Variants in SUN5 observed in about 807,000 individuals in gnomAD.
SUN5 encodes SUN domain-containing protein 5.
SUN5 carries 44 observed loss-of-function variants against 53.7 expected under a neutral mutation model. The observed-to-expected ratio is 0.82, with a 90% CI of 0.64 to 1.05. The LOEUF is 1.05. Among genes scored for constraint, SUN5 ranks in the 50% least tolerant of loss-of-function variants. The pLI is 0.00. For missense variants in SUN5, 433 were observed against 483.8 expected (o/e 0.90, Z 0.98); for synonymous variants, 166 against 179.8 (o/e 0.92, Z 0.62).
At chr20:32,991,228 T>C (rs1483235797) in intron 8 of SUN5, among the ~76,000 whole-genome samples, 1 of 152,232 alleles carries the variant, frequency 6.6e-6, no homozygotes, top group African/African-American at 2.4e-5. Flanking sequence ...GGACGAGCTC[T>C]AGTTGATCCC....
At chr20:32,999,586 G>C (rs898626361) in intron 5 of SUN5, among the ~76,000 whole-genome samples, 16 of 152,162 alleles carry the variant, frequency 1.1e-4, no homozygotes, top group Admixed American at 2.6e-4. Context: ...GTGAGACTCT[G>C]TCTCAACAAC....
intron 5 of SUN5, 63 bp from the exon 6 acceptor site, chr20:32,997,750 G>A: frequency 6.3e-7 from 1 of 1,586,594 alleles, no homozygotes; most frequent in Non-Finnish European, 8.6e-7. Flanking sequence ...CTAGGTGCTG[G>A]AGTTAGGACA....
intron 1 of SUN5, 74 bp from the exon 2 acceptor site, chr20:33,002,993 G>A (rs748447226): frequency 3.4e-5 from 52 of 1,520,218 alleles, no homozygotes; most frequent in South Asian, 8.3e-5. Context: ...TGCATACCAC[G>A]TTCCAGATTG....
chr20:32,985,668 G>A (rs1989516790), intron 11 of SUN5, 68 bp downstream of exon 11: 1 of 1,561,898 alleles, frequency 6.4e-7, no homozygotes, highest in Middle Eastern at 1.8e-4. Flanking sequence ...TTTACCCCAG[G>A]CCTGGAATAT....
intron 1 of SUN5, among the ~76,000 whole-genome samples, chr20:33,004,028 C>G (rs1209847592): frequency 1.3e-5 from 2 of 152,212 alleles, no homozygotes; most frequent in Non-Finnish European, 2.9e-5. Flanking sequence ...GTTCCCCGTC[C>G]TCTGTGCATT....
chr20:32,999,732 G>C (rs1276840192), intron 5 of SUN5: 1 of 567,490 alleles, frequency 1.8e-6, no homozygotes, highest in Non-Finnish European at 3.1e-6. Context: ...TCCAAAGCCA[G>C]TATATGTCAG....
chr20:32,995,575 C>T, intron 8 of SUN5, 44 bp downstream of exon 8: 1 of 1,550,284 alleles, frequency 6.5e-7, no homozygotes, highest in Non-Finnish European at 8.9e-7. Flanking sequence ...GGACATCAAA[C>T]AAAGAGAAAT....
Position 32,997,661 on chromosome 20 carries a change from G to A in SUN5, c.367C>T (p.Pro123Ser). 6.2e-7 allele frequency: 1 copy of A among 1,614,060 alleles called. No homozygotes were observed. The highest frequency in any genetic ancestry group is 8.5e-7 in the Non-Finnish European group (1 of 1,179,994). Residue 123 changes from proline to serine, a missense_variant, in exon 6 of 13, where the codon CCA (proline) becomes TCA (serine). Transcript: ENST00000356173. Reference protein sequence around the residue: ...FGFWMFSIHLPSKMKVWQDDS... With the variant: ...FGFWMFSIHLSSKMKVWQDDS... ...ACCTGCCAGACTTTCATTTTCGATG[G>A]TAAGTGAATAGAAAACATCCAGAAT...
At chr20:33,001,325 G>T in intron 3 of SUN5, 47 bp from the exon 4 acceptor site, 2 of 1,551,512 alleles carry the variant, frequency 1.3e-6, no homozygotes, top group East Asian at 2.4e-5. Context: ...CCTCATCTTT[G>T]TCCCACTACA....
chr20:32,996,221 T>C (rs907880839), intron 7 of SUN5, 103 bp downstream of exon 7: 20 of 1,203,034 alleles, frequency 1.7e-5, no homozygotes, highest in Non-Finnish European at 2.1e-5. Flanking sequence ...AAACCCAGGT[T>C]GATCTGACTG....
At chr20:32,997,866 A>G (rs571274981) in intron 5 of SUN5, among the ~76,000 whole-genome samples, 179 bp from the exon 6 acceptor site, 125 of 152,294 alleles carry the variant, frequency 8.2e-4, no homozygotes, top group Admixed American at 1.9e-3. Context: ...TAAGAATAAC[A>G]ATAATATCCA....
Position 32,985,762 on chromosome 20 carries a change from T to A in SUN5, c.871A>T (p.Thr291Ser). Residue 291 changes from threonine to serine, a missense_variant, in exon 11 of 13, where the codon ACC becomes TCC. Coordinates refer to ENST00000356173, the MANE Select transcript of SUN5 (RefSeq NM_080675.4). The stretch of plus-strand genomic sequence containing the variant: ...TAGATGACGAAGTCCTTGGGGGCGG[T>A]GTCCAGGCTGCCTGACAATGAGATG... ...KTISLSGSLD[T>S]APKDFVIYGM... 1 of 1,614,016 alleles carries A rather than the reference T, an allele frequency of 6.2e-7. No individual in the cohort carries two copies. Among genetic ancestry groups the A allele is most frequent in the Non-Finnish European group, 8.5e-7 (1 of 1,179,948 alleles).
intron 8 of SUN5, among the ~76,000 whole-genome samples, chr20:32,991,136 G>T (rs978829733): frequency 6.6e-6 from 1 of 152,076 alleles, no homozygotes; most frequent in Admixed American, 6.6e-5. Context: ...TTCCCTGATG[G>T]CCCCCACCCT....
Position 33,002,637 on chromosome 20 carries a change from C to T in SUN5, c.161G>A (p.Arg54His), listed in dbSNP as rs556386557. 29 of 1,614,206 alleles carry T rather than the reference C, an allele frequency of 1.8e-5. No individual in the cohort carries two copies. The highest frequency in any genetic ancestry group is 1.7e-4 in the African/African-American group (13 of 75,040). The change falls in exon 3 of 13, where the codon CGC becomes CAC. Residue 54 changes from arginine (R) to histidine (H), a missense_variant. Physicochemically the swap from Arg to His is conservative, Grantham distance 29. Transcript: ENST00000356173. ...CAGGCCTAGGGCTTGGTCATTGTTG[C>T]GGACAGGCAACAGGATGTTGTCATC... The part of the protein sequence containing the change: ...NMNDNILLPV[R>H]NNDQALGLTQ...
At chr20:32,990,981 A>G (rs1265111388) in intron 8 of SUN5, among the ~76,000 whole-genome samples, 1 of 152,230 alleles carries the variant, frequency 6.6e-6, no homozygotes, top group Non-Finnish European at 1.5e-5. Flanking sequence ...GTTGATGTGC[A>G]AACTGGAGGC....
intron 3 of SUN5, 126 bp from the exon 4 acceptor site, chr20:33,001,404 G>A (rs926116400): frequency 2.9e-5 from 30 of 1,051,216 alleles, no homozygotes; most frequent in Non-Finnish European, 3.8e-5. Context: ...CTTGTTGGCC[G>A]AGCCTGGGAC....
chr20:32,987,772 G>T lies in SUN5; in HGVS notation c.617C>A (p.Ala206Asp), dbSNP rs1380723526. 6.2e-7 allele frequency: 1 copy of T among 1,611,398 alleles called. No individual in the cohort carries two copies. Among genetic ancestry groups the T allele is most frequent in the South Asian group, 1.1e-5 (1 of 90,120 alleles). ...KPDFALKSIG[A>D]SIDFEHTSVT... ...TGACGTGTGCTCAAAGTCAATGCTG[G>T]CCCCTGTATAGGAGAAGGGGGTCTC... Residue 206 changes from alanine (A) to aspartate (D), a missense_variant, in exon 10 of 13, where the codon GCC (alanine) becomes GAC (aspartate). Physicochemically the swap from Ala to Asp is moderately radical, Grantham distance 126. Transcript: ENST00000356173.
intron 8 of SUN5, among the ~76,000 whole-genome samples, chr20:32,993,280 G>A (rs1465654126): frequency 1.3e-5 from 2 of 152,234 alleles, no homozygotes; most frequent in African/African-American, 2.4e-5. Context: ...ATCTGTGGAA[G>A]CAACAAGGAC....
At chr20:33,001,563 T>TCTC (rs1990027953) in intron 3 of SUN5, among the ~76,000 whole-genome samples, 1 of 91,214 alleles carries the variant, frequency 1.1e-5, no homozygotes, top group Non-Finnish European at 2.2e-5. Context: ...TCTTTCTTTC[T>TCTC]TTTCTTCCTT....
Sources: gnomAD v4.1 joint callset for allele counts (sites outside exome capture counted in the v4.1 genomes callset) on GRCh38, gnomAD v4.1.1 for gene constraint, MANE v1.5 for transcripts, NCBI Gene and HGNC (gene_info 2026-07-23, HGNC 2026-07-21) for gene names.